ERMP1: variants seen among roughly 807,000 people sequenced by gnomAD.
ERMP1 encodes the protein Felix-ina.
A neutral mutation model predicts 92.0 loss-of-function variants in ERMP1; 86 were observed. That is an observed-to-expected ratio of 0.93 (90% confidence interval 0.79 to 1.12). The LOEUF (loss-of-function observed/expected upper bound fraction) is 1.12. Ranked by LOEUF, ERMP1 falls within the 50% of genes most tolerant of loss-of-function variation. The probability of loss-of-function intolerance (pLI) is 0.00; values close to 1 mark genes in which losing one functional copy is unlikely to be tolerated. For synonymous variants in ERMP1, 530 were observed against 412.8 expected (o/e 1.28, Z -3.44); for missense variants, 1,342 against 1,116.3 (o/e 1.20, Z -2.88).
At chr9:5,792,664 G>A (rs1311882143) in intron 13 of ERMP1, among the ~76,000 whole-genome samples, 1 of 152,204 alleles carries the variant, frequency 6.6e-6, no homozygotes, top group African/African-American at 2.4e-5. Context: ...AGATGGTCAT[G>A]TGACTTACCT....
At chr9:5,799,043 A>T (rs368353195) in intron 11 of ERMP1, 35 bp from the exon 12 acceptor site, 41 of 1,504,800 alleles carry the variant, frequency 2.7e-5, no homozygotes, top group Non-Finnish European at 3.4e-5. Flanking sequence ...AACTGTTTCA[A>T]CTAGTACACC....
At chr9:5,859,995 C>T (rs1830439870) in intron 5 of ERMP1, among the ~76,000 whole-genome samples, 1 of 152,062 alleles carries the variant, frequency 6.6e-6, no homozygotes, top group Admixed American at 6.6e-5. Context: ...ATAAGCTCAA[C>T]TTAAGTTTAT....
At chr9:5,832,606 G>T in intron 1 of ERMP1, 84 bp downstream of exon 1, 2 of 1,109,032 alleles carry the variant, frequency 1.8e-6, no homozygotes, top group Non-Finnish European at 2.4e-6. Context: ...GGCAGGGGCG[G>T]GTGCACACAG....
At chr9:5,827,458 A>T (rs1247890459) in intron 2 of ERMP1, among the ~76,000 whole-genome samples, 1 of 152,278 alleles carries the variant, frequency 6.6e-6, no homozygotes, top group Non-Finnish European at 1.5e-5. Context: ...CAGGTTGGAC[A>T]AGCTTAATCT....
chr9:5,808,195 A>C (rs993772552), intron 8 of ERMP1, among the ~76,000 whole-genome samples: 1 of 152,232 alleles, frequency 6.6e-6, no homozygotes, highest in African/African-American at 2.4e-5. Context: ...AAAATGAAAC[A>C]CATCACTCTT....
intron 13 of ERMP1, among the ~76,000 whole-genome samples, chr9:5,793,536 T>C (rs947133903): frequency 2.0e-5 from 3 of 152,156 alleles, no homozygotes; most frequent in African/African-American, 7.2e-5. Flanking sequence ...GACCCCACTA[T>C]GTGTTGTCTA....
intron 6 of ERMP1, among the ~76,000 whole-genome samples, chr9:5,840,823 T>A (rs1197065278): frequency 1.3e-5 from 2 of 152,226 alleles, no homozygotes; most frequent in African/African-American, 4.8e-5. Flanking sequence ...TTGCATGGCA[T>A]TAAAACCTTC....
chr9:5,828,627 T>C (rs1311353765), intron 2 of ERMP1, among the ~76,000 whole-genome samples: 1 of 152,210 alleles, frequency 6.6e-6, no homozygotes, highest in African/African-American at 2.4e-5. Context: ...ATAAGCCAGA[T>C]TTCTAAGCCA....
At chr9:5,836,628 G>C (rs565635963), upstream of ERMP1, among the ~76,000 whole-genome samples, 1 of 152,220 alleles carries the variant, frequency 6.6e-6, no homozygotes, top group Admixed American at 6.5e-5. Flanking sequence ...AGTTTTTTTA[G>C]GTTTTTGTTT....
chr9:5,792,843 A>G (rs1828256774), intron 13 of ERMP1, among the ~76,000 whole-genome samples: 1 of 152,218 alleles, frequency 6.6e-6, no homozygotes, highest in Non-Finnish European at 1.5e-5. Flanking sequence ...GTAAGAATAT[A>G]AAAGAATAGA....
intron 4 of ERMP1, among the ~76,000 whole-genome samples, chr9:5,821,258 C>G (rs963682994): frequency 2.0e-5 from 3 of 152,194 alleles, no homozygotes; most frequent in Non-Finnish European, 2.9e-5. Flanking sequence ...CAATTCTGGT[C>G]TTAAATTCAT....
chr9:5,793,102 A>AT (rs1343800673), intron 13 of ERMP1, among the ~76,000 whole-genome samples: 6 of 151,944 alleles, frequency 3.9e-5, no homozygotes, highest in African/African-American at 1.4e-4. Flanking sequence ...ACGCTTCTGT[A>AT]TAAGAGAGAT....
intron 13 of ERMP1, among the ~76,000 whole-genome samples, chr9:5,787,830 T>G (rs1322847624): frequency 6.6e-6 from 1 of 152,256 alleles, no homozygotes; most frequent in Non-Finnish European, 1.5e-5. Flanking sequence ...AAGTTGGTCC[T>G]ATCACTTAAC....
intron 6 of ERMP1, among the ~76,000 whole-genome samples, chr9:5,846,023 G>C (rs1830230160): frequency 6.6e-6 from 1 of 152,220 alleles, no homozygotes. Flanking sequence ...TTTGTGCTTA[G>C]GTGCTACCTG....
At chr9:5,807,189 C>G (rs1299278983) in intron 8 of ERMP1, among the ~76,000 whole-genome samples, 1 of 152,194 alleles carries the variant, frequency 6.6e-6, no homozygotes, top group Non-Finnish European at 1.5e-5. Context: ...CCATTCCAGT[C>G]CACTTTATAC....
At chr9:5,815,459 A>G (rs1284524451) in intron 4 of ERMP1, among the ~76,000 whole-genome samples, 1 of 151,416 alleles carries the variant, frequency 6.6e-6, no homozygotes, top group Non-Finnish European at 1.5e-5. Flanking sequence ...CAGAATATAT[A>G]GAGTAAAATT....
At chr9:5,819,132 C>G (rs2131254802) in intron 4 of ERMP1, among the ~76,000 whole-genome samples, 1 of 152,176 alleles carries the variant, frequency 6.6e-6, no homozygotes, top group African/African-American at 2.4e-5. Flanking sequence ...TTTACTCCAG[C>G]ATTATCATAA....
intron 5 of ERMP1, among the ~76,000 whole-genome samples, chr9:5,865,811 C>A (rs1830640679): frequency 6.9e-6 from 1 of 144,614 alleles, no homozygotes; most frequent in Admixed American, 6.9e-5. Context: ...GTACTCCAGC[C>A]CGGGCAACAG....
At chr9:5,809,348 A>C (rs1337067275) in intron 8 of ERMP1, among the ~76,000 whole-genome samples, 4 of 152,212 alleles carry the variant, frequency 2.6e-5, no homozygotes, top group African/African-American at 9.6e-5. Context: ...TATTTTTGCC[A>C]AACAAATTTA....
Sources: gnomAD v4.1 joint callset for allele counts (sites outside exome capture counted in the v4.1 genomes callset) on GRCh38, gnomAD v4.1.1 for gene constraint, MANE v1.5 for transcripts, NCBI Gene and HGNC (gene_info 2026-07-23, HGNC 2026-07-21) for gene names.